Variants in MPHOSPH10 observed in about 807,000 individuals in gnomAD.
MPHOSPH10 encodes U3 small nucleolar ribonucleoprotein MPP10.
Under a neutral mutation model 77.3 loss-of-function variants are expected in MPHOSPH10, and 33 were observed. The observed-to-expected ratio is 0.43, with a 90% confidence interval of 0.32 to 0.57. The LOEUF is 0.57. Ranked by LOEUF, MPHOSPH10 falls within the 20% of genes least tolerant of loss-of-function variation. The probability of loss-of-function intolerance (pLI) is 0.07; values close to 1 mark genes in which losing one functional copy is unlikely to be tolerated. For missense variants in MPHOSPH10, 708 were observed against 780.1 expected, an observed-to-expected ratio of 0.91 and a Z score of 1.10; for synonymous variants, 245 against 268.0, an observed-to-expected ratio of 0.91 and a Z score of 0.84.
At chr2:71,138,991 G>T (rs1055454827) in intron 5 of MPHOSPH10, 1 of 521,264 alleles carries the variant, frequency 1.9e-6, no homozygotes, top group Non-Finnish European at 3.4e-6. Flanking sequence ...CCAAGGTTGT[G>T]CCAGTGTGCT....
chr2:71,139,548 T>C, intron 5 of MPHOSPH10: 1 of 320,756 alleles, frequency 3.1e-6, no homozygotes, highest in Non-Finnish European at 5.7e-6. Flanking sequence ...GGTAAAGTAT[T>C]AGCACTTACT....
chr2:71,134,695 C>T lies in MPHOSPH10; in HGVS notation c.996C>T (p.Thr332=), dbSNP rs1409422239. ...KQHKESLKRV[T]FALPDDAETE... ...ATAAAGAAAGCTTGAAAAGAGTGAC[C>T]TTTGCTTTACCAGATGATGCGGAAA... is the stretch of plus-strand genomic sequence containing the variant. The change falls in exon 4 of 11, where the codon ACC becomes ACT. Residue 332 remains threonine (T), a synonymous_variant. Transcript: ENST00000244230. 3.1e-6 allele frequency: 5 copies of T among 1,611,816 alleles called. No individual in the cohort carries two copies. Among genetic ancestry groups the T allele is most frequent in the South Asian group, 2.2e-5 (2 of 90,642 alleles).
At chr2:71,147,849 T>G (rs1673748342) in intron 8 of MPHOSPH10, 150 bp from the exon 9 acceptor site, 3 of 603,762 alleles carry the variant, frequency 5.0e-6, no homozygotes, top group African/African-American at 1.8e-5. Flanking sequence ...ATAGTCTCCA[T>G]TAGGTTTGCT....
chr2:71,146,492 C>T (rs555102227), intron 8 of MPHOSPH10, among the ~76,000 whole-genome samples: 53 of 152,152 alleles, frequency 3.5e-4, no homozygotes, highest in East Asian at 3.9e-4. Flanking sequence ...TGCACCACCA[C>T]GGCTGGCTAA....
At chr2:71,149,566 G>A in intron 10 of MPHOSPH10, 113 bp downstream of exon 10, 1 of 976,062 alleles carries the variant, frequency 1.0e-6, no homozygotes, top group Non-Finnish European at 1.5e-6. Context: ...GCGGGATAGA[G>A]ATGCATGATG....
Position 71,149,229 on chromosome 2 carries a change from A to G in MPHOSPH10, c.1672A>G (p.Asn558Asp). 1 of 1,550,306 alleles carries G rather than the reference A, an allele frequency of 6.5e-7. No homozygotes were observed. Among genetic ancestry groups the G allele is most frequent in the Non-Finnish European group, 8.7e-7 (1 of 1,151,188 alleles). Residue 558 changes from asparagine (N) to aspartate (D), a missense_variant, in exon 10 of 11, where the codon AAT becomes GAT. By Grantham distance (23) the Asn-to-Asp change is conservative. This residue lies in a region of MPHOSPH10 where 263 missense variants were observed against 320.0 expected (regional missense o/e 0.82). Transcript: ENST00000244230. ...GTGGTTATTTTTTTAATAGGAGAAA[A>G]ATAAAGCTGGAGATATAAAAACAGC... ...LLAPEEIKEK[N>D]KAGDIKTAAE...
Position 71,132,882 on chromosome 2 carries a change from T to C in MPHOSPH10, c.90-16T>C. The C allele has an allele frequency of 6.4e-7, 1 of 1,566,788 alleles. No individual in the cohort carries two copies. The highest frequency in any genetic ancestry group is 8.7e-7 in the Non-Finnish European group (1 of 1,154,766). On this transcript the variant is annotated splice_polypyrimidine_tract_variant and intron_variant, in intron 1 of 10. Transcript: ENST00000244230. ...ATTACCTGTAATTCTAAATCTCACT[T>C]AATTCCTCCCAATAGGATTCAAGAG...
chr2:71,147,998 G>C lies in MPHOSPH10; in HGVS notation c.1558-1G>C. ...CATTGAATGTATTATCTCTTTTCTA[G>C]CCTGTACCAGAGATTAAAGTTGTGT... On this transcript the variant is annotated splice_acceptor_variant, in intron 8 of 10. Transcript: ENST00000244230. LOFTEE classifies it high-confidence loss of function. The C allele has an allele frequency of 6.2e-7, 1 of 1,611,976 alleles. No individual in the cohort carries two copies. Among genetic ancestry groups the C allele is most frequent in the Non-Finnish European group, 8.5e-7 (1 of 1,178,132 alleles).
At chr2:71,145,198 C>G (rs1272378254) in intron 8 of MPHOSPH10, among the ~76,000 whole-genome samples, 1 of 152,174 alleles carries the variant, frequency 6.6e-6, no homozygotes, top group Non-Finnish European at 1.5e-5. Context: ...TGCTTACCAG[C>G]TTCTGTGAAC....
At chr2:71,131,032 T>TCGTCCG (rs2103656290) in intron 1 of MPHOSPH10, among the ~76,000 whole-genome samples, 1 of 152,318 alleles carries the variant, frequency 6.6e-6, no homozygotes, top group African/African-American at 2.4e-5. Context: ...CCCATCCCTC[T>TCGTCCG]ACACACAGAC....
chr2:71,148,807 C>T (rs761149287), intron 9 of MPHOSPH10: 6 of 193,778 alleles, frequency 3.1e-5, no homozygotes, highest in Non-Finnish European at 6.3e-5. Context: ...CCTTCCCTTC[C>T]TCTGTTCCTT....
chr2:71,141,416 G>A (rs769898596), intron 7 of MPHOSPH10, 47 bp downstream of exon 7: 2 of 1,398,956 alleles, frequency 1.4e-6, no homozygotes, highest in African/African-American at 1.5e-5. Flanking sequence ...AGAAATAGAA[G>A]TAGAGAACTA....
intron 10 of MPHOSPH10, 132 bp downstream of exon 10, chr2:71,149,585 C>T (rs2103684903): frequency 1.1e-6 from 1 of 869,754 alleles, no homozygotes; most frequent in South Asian, 1.8e-5. Context: ...TGCTGACTGG[C>T]TGGAATCGCA....
At chr2:71,141,052 G>A (rs1293689396) in intron 6 of MPHOSPH10, among the ~76,000 whole-genome samples, 180 bp from the exon 7 acceptor site, 1 of 150,332 alleles carries the variant, frequency 6.7e-6, no homozygotes, top group Non-Finnish European at 1.5e-5. Context: ...TGCTTACTCT[G>A]TAATAAGTAA....
At chr2:71,141,202 G>A (rs200168290) in intron 6 of MPHOSPH10, 30 bp from the exon 7 acceptor site, 137 of 1,329,492 alleles carry the variant, frequency 1.0e-4, no homozygotes, top group Middle Eastern at 4.1e-4. Flanking sequence ...TGTAGGTTTT[G>A]TTATGTTCTA....
intron 5 of MPHOSPH10, chr2:71,139,062 T>C (rs558981940): frequency 5.3e-4 from 181 of 340,500 alleles, no homozygotes; most frequent in Non-Finnish European, 7.6e-4. Context: ...AATCAACTTA[T>C]AAACACAGAA....
At chr2:71,142,463 A>G (rs1440164494) in intron 7 of MPHOSPH10, among the ~76,000 whole-genome samples, 1 of 152,234 alleles carries the variant, frequency 6.6e-6, no homozygotes, top group Non-Finnish European at 1.5e-5. Flanking sequence ...CCAGCTCTAA[A>G]TGTTAGTTTC....
intron 1 of MPHOSPH10, among the ~76,000 whole-genome samples, chr2:71,131,978 AC>A (rs1673395062): frequency 6.6e-6 from 1 of 152,142 alleles, no homozygotes; most frequent in Non-Finnish European, 1.5e-5. Flanking sequence ...TGACACCACC[AC>A]CCAAGCCTTC....
chr2:71,141,366 C>A lies in MPHOSPH10; in HGVS notation c.1443C>A (p.Asn481Lys). Reference sequence around the variant, plus strand: ...ATGAACAGGAGTACATCAAACTCAACCAGGTGAGGAAGCCTGTAAGGCCAA... The same window carrying A: ...ATGAACAGGAGTACATCAAACTCAAACAGGTGAGGAAGCCTGTAAGGCCAA... ...EIYEQEYIKL[N>K]QQKTAEEENP... Residue 481 changes from asparagine to lysine, a missense_variant, in exon 7 of 11, where the codon AAC (asparagine) becomes AAA (lysine). Physicochemically the swap from Asn to Lys is moderately conservative, Grantham distance 94. Around this residue, in one of 3 missense-constraint regions of MPHOSPH10, gnomAD observed 263 missense variants for 320.0 expected, o/e 0.82. Transcript: ENST00000244230. The A allele has an allele frequency of 6.5e-7, 1 of 1,530,008 alleles. No individual in the cohort carries two copies. The highest frequency in any genetic ancestry group is 8.8e-7 in the Non-Finnish European group (1 of 1,140,416). The allele number at this position is 1,530,008 out of a possible 1,614,324, so 94.8% of individuals were successfully genotyped here. A position where few individuals can be genotyped will look rare whatever the true frequency, so the allele number is the denominator to read the frequency against.
Sources: allele counts gnomAD v4.1 joint callset (sites outside exome capture counted in the v4.1 genomes callset), GRCh38; gene constraint gnomAD v4.1.1; regional missense constraint gnomAD v4.1.1; transcripts MANE v1.5; gene names NCBI Gene and HGNC (gene_info 2026-07-23, HGNC 2026-07-21).